The following ZDHHC14 variants were observed in gnomAD, a reference collection of about 807,000 sequenced individuals.
ZDHHC14 encodes palmitoyltransferase ZDHHC14.
In ZDHHC14, 16 loss-of-function variants were observed where a neutral mutation model predicts 47.7. The observed-to-expected ratio is 0.34, with a 90% CI of 0.23 to 0.51. The LOEUF (loss-of-function observed/expected upper bound fraction) is 0.51, where lower values mean the gene tolerates loss of function less well. ZDHHC14 is among the 20% of genes least tolerant of loss of function. The pLI, the probability that ZDHHC14 is intolerant of heterozygous loss-of-function variation, is 0.97. For synonymous variants in ZDHHC14, 293 were observed against 278.9 expected (o/e 1.05, Z -0.50); for missense variants, 515 against 662.5 (o/e 0.78, Z 2.44).
chr6:157,428,475 A>G (rs1382335097), intron 1 of ZDHHC14, among the ~76,000 whole-genome samples: 1 of 152,120 alleles, frequency 6.6e-6, no homozygotes, highest in African/African-American at 2.4e-5. Flanking sequence ...TAAAAAAAAA[A>G]TCTCCGGCAA....
chr6:157,474,378 G>A (rs748399787), intron 1 of ZDHHC14, among the ~76,000 whole-genome samples: 14 of 152,288 alleles, frequency 9.2e-5, no homozygotes, highest in Non-Finnish European at 1.8e-4. Flanking sequence ...ATGAATATGG[G>A]AGTGCACATG....
At chr6:157,546,156 G>A (rs1781965047) in intron 2 of ZDHHC14, among the ~76,000 whole-genome samples, 1 of 152,212 alleles carries the variant, frequency 6.6e-6, no homozygotes, top group Admixed American at 6.5e-5. Flanking sequence ...AAGGGGTGCA[G>A]GCACCTGCAA....
intron 2 of ZDHHC14, among the ~76,000 whole-genome samples, chr6:157,578,916 G>T (rs183032031): frequency 3.0e-4 from 46 of 152,188 alleles, no homozygotes; most frequent in African/African-American, 1.0e-3. Flanking sequence ...GTGTGAGAAT[G>T]GACTAATACA....
At chr6:157,443,401 G>C (rs1438441690) in intron 1 of ZDHHC14, among the ~76,000 whole-genome samples, 1 of 152,190 alleles carries the variant, frequency 6.6e-6, no homozygotes, top group African/African-American at 2.4e-5. Flanking sequence ...GGGGAGCATT[G>C]TGGCAGCACC....
intron 7 of ZDHHC14, 85 bp from the exon 8 acceptor site, chr6:157,653,439 GC>G: frequency 3.5e-6 from 5 of 1,414,890 alleles, no homozygotes; most frequent in Non-Finnish European, 4.9e-6. Flanking sequence ...GGAAGAGGGA[GC>G]CCCGACGCGG....
chr6:157,555,380 C>G (rs1248028120), intron 2 of ZDHHC14, among the ~76,000 whole-genome samples: 1 of 152,176 alleles, frequency 6.6e-6, no homozygotes, highest in East Asian at 1.9e-4. Flanking sequence ...TGTCCTGTAG[C>G]TGAACAAACT....
chr6:157,617,023 A>G (rs1784994026), intron 3 of ZDHHC14, among the ~76,000 whole-genome samples: 2 of 152,194 alleles, frequency 1.3e-5, no homozygotes, highest in African/African-American at 4.8e-5. Flanking sequence ...CGGAAAGCCA[A>G]GCACCATCGT....
intron 2 of ZDHHC14, among the ~76,000 whole-genome samples, chr6:157,563,529 G>C (rs558504039): frequency 6.6e-6 from 1 of 152,190 alleles, no homozygotes; most frequent in Non-Finnish European, 1.5e-5. Flanking sequence ...GCTTATTAGA[G>C]AGACCCCATG....
At chr6:157,433,778 C>T (rs1024069553) in intron 1 of ZDHHC14, among the ~76,000 whole-genome samples, 1 of 152,210 alleles carries the variant, frequency 6.6e-6, no homozygotes, top group Non-Finnish European at 1.5e-5. Flanking sequence ...TGACGAGTGT[C>T]CTTTTCAAAT....
intron 1 of ZDHHC14, among the ~76,000 whole-genome samples, chr6:157,473,781 A>G (rs1346565547): frequency 6.6e-6 from 1 of 152,184 alleles, no homozygotes. Context: ...AATTGTTTAA[A>G]ATATTGTGTA....
rs1251509497 is a variant in ZDHHC14, at chr6:157,674,020, C to T, written c.*898C>T. The T allele has an allele frequency of 2.0e-5, 3 of 152,504 alleles. No homozygotes were observed. The highest frequency in any genetic ancestry group is 7.2e-5 in the African/African-American group (3 of 41,410). The allele number at this position is 152,504 out of a possible 1,614,324, so 9.4% of individuals were successfully genotyped here. A position where few individuals can be genotyped will look rare whatever the true frequency, so the allele number is the denominator to read the frequency against. ...ATGGGGAGAGTTTTTCTTGAAATGT[C>T]CCTAGCGAGGAATGGTCCCCAGACA... On this transcript the variant is annotated 3_prime_UTR_variant, in exon 9 of 9. Coordinates refer to ENST00000359775, the MANE Select transcript of ZDHHC14 (RefSeq NM_024630.3).
chr6:157,519,656 C>G (rs1000307138), intron 1 of ZDHHC14, among the ~76,000 whole-genome samples: 1 of 152,228 alleles, frequency 6.6e-6, no homozygotes, highest in Non-Finnish European at 1.5e-5. Flanking sequence ...GAGCCGGGGT[C>G]TTAGCCCGGC....
At chr6:157,501,843 T>C (rs1454750646) in intron 1 of ZDHHC14, among the ~76,000 whole-genome samples, 1 of 152,212 alleles carries the variant, frequency 6.6e-6, no homozygotes, top group Non-Finnish European at 1.5e-5. Context: ...TTGTTAAGAA[T>C]ATAATTTAAT....
At chr6:157,461,081 G>A (rs978188730) in intron 1 of ZDHHC14, among the ~76,000 whole-genome samples, 2 of 152,210 alleles carry the variant, frequency 1.3e-5, no homozygotes, top group African/African-American at 2.4e-5. Context: ...AATTCATAGC[G>A]GGGCCTCTGA....
At chr6:157,524,549 A>C (rs1424563747) in intron 1 of ZDHHC14, among the ~76,000 whole-genome samples, 1 of 152,188 alleles carries the variant, frequency 6.6e-6, no homozygotes, top group African/African-American at 2.4e-5. Flanking sequence ...TTAGCTTCTT[A>C]CATATCTTTG....
intron 1 of ZDHHC14, among the ~76,000 whole-genome samples, chr6:157,523,361 C>T (rs149415763): frequency 0.012 from 1,800 of 152,222 alleles, 38 homozygotes; most frequent in African/African-American, 0.042. Context: ...TGAAAGCACT[C>T]TTCTCTTCAG....
intron 7 of ZDHHC14, among the ~76,000 whole-genome samples, chr6:157,651,805 C>T (rs1278010871): frequency 6.6e-6 from 1 of 152,142 alleles, no homozygotes; most frequent in African/African-American, 2.4e-5. Flanking sequence ...CTCCTGACCT[C>T]CGGTGATCTG....
intron 1 of ZDHHC14, among the ~76,000 whole-genome samples, chr6:157,531,670 T>C (rs1315674027): frequency 6.7e-6 from 1 of 149,358 alleles, no homozygotes; most frequent in Non-Finnish European, 1.5e-5. Context: ...TCCTAGCACA[T>C]GGTGCAGCTT....
At chr6:157,442,165 G>A (rs1042296092) in intron 1 of ZDHHC14, among the ~76,000 whole-genome samples, 7 of 152,166 alleles carry the variant, frequency 4.6e-5, no homozygotes, top group African/African-American at 1.7e-4. Context: ...GCTGAGTGGG[G>A]AGGATCCCTG....
Sources: gnomAD v4.1 joint callset for allele counts (sites outside exome capture counted in the v4.1 genomes callset) on GRCh38, gnomAD v4.1.1 for gene constraint, MANE v1.5 for transcripts, NCBI Gene and HGNC (gene_info 2026-07-23, HGNC 2026-07-21) for gene names.